Variants in PEAK1 observed in about 807,000 individuals in gnomAD.
The protein encoded by PEAK1 is pseudopodium enriched atypical kinase 1.
PEAK1 carries 54 observed loss-of-function variants against 124.7 expected under a neutral mutation model. The ratio of observed to expected loss-of-function variants is 0.43; its 90% CI spans 0.35 to 0.54. The LOEUF is 0.54. Among genes scored for constraint, PEAK1 ranks in the 20% least tolerant of loss-of-function variants. PEAK1 has a pLI of 0.01. For missense variants in PEAK1, 2,046 were observed against 2,134.5 expected (o/e 0.96, Z 0.82); for synonymous variants, 719 against 760.0 (o/e 0.95, Z 0.89).
chr15:77,411,960 T>A (rs922539476), intron 1 of PEAK1, among the ~76,000 whole-genome samples: 8 of 152,194 alleles, frequency 5.3e-5, no homozygotes, highest in Non-Finnish European at 1.0e-4. Flanking sequence ...ACTGCTATTC[T>A]CTTTTTAAGT....
chr15:77,369,671 A>G (rs934588019), intron 1 of PEAK1, among the ~76,000 whole-genome samples: 1 of 149,608 alleles, frequency 6.7e-6, no homozygotes, highest in Admixed American at 6.6e-5. Flanking sequence ...CTGACTTCTG[A>G]ACTAAATAAT....
At chr15:77,155,727 G>T (rs930416629) in intron 8 of PEAK1, 4 of 152,424 alleles carry the variant, frequency 2.6e-5, no homozygotes, top group Non-Finnish European at 5.9e-5. Context: ...CTGCAGGTCT[G>T]TTGGAGTTTG....
At chr15:77,140,926 C>T (rs989041231) in intron 8 of PEAK1, among the ~76,000 whole-genome samples, 2 of 152,072 alleles carry the variant, frequency 1.3e-5, no homozygotes, top group African/African-American at 4.8e-5. Flanking sequence ...TGGTCTCAAA[C>T]TCCTGAGCTC....
At chr15:77,344,861 G>A (rs1008621213) in intron 2 of PEAK1, among the ~76,000 whole-genome samples, 39 of 152,190 alleles carry the variant, frequency 2.6e-4, no homozygotes, top group Admixed American at 2.5e-3. Context: ...CATTGTTAAT[G>A]ATTAGAAATA....
intron 9 of PEAK1, among the ~76,000 whole-genome samples, chr15:77,124,980 A>G (rs778199405): frequency 1.3e-5 from 2 of 152,214 alleles, no homozygotes; most frequent in African/African-American, 4.8e-5. Flanking sequence ...CTGAACTTTC[A>G]TTATAATCTG....
chr15:77,355,734 G>A (rs970907848), intron 2 of PEAK1: 2 of 982,778 alleles, frequency 2.0e-6, no homozygotes, highest in African/African-American at 3.5e-5. Flanking sequence ...CCAGATTAAA[G>A]TTGCCTGTAA....
chr15:77,141,159 A>G (rs923690515), intron 8 of PEAK1, among the ~76,000 whole-genome samples: 10 of 152,214 alleles, frequency 6.6e-5, no homozygotes, highest in African/African-American at 2.4e-4. Context: ...ATCCACACAC[A>G]AAAAAACTAT....
chr15:77,227,349 G>C (rs1180889690), intron 6 of PEAK1, among the ~76,000 whole-genome samples: 4 of 152,048 alleles, frequency 2.6e-5, no homozygotes, highest in African/African-American at 9.7e-5. Flanking sequence ...GTAACACAGA[G>C]GCACATTGAC....
rs144246758 is a variant in PEAK1, at chr15:77,240,692, G to A, written c.-115+11675C>T. Reference sequence around the variant, plus strand: ...AACTTTATTGTAAAAGTAAATCTACGGGTGTAATCATAGTAAAACTGACAA... The same window carrying A: ...AACTTTATTGTAAAAGTAAATCTACAGGTGTAATCATAGTAAAACTGACAA... On this transcript the variant is annotated intron_variant, in intron 6 of 9. Coordinates refer to ENST00000682557, the MANE Select transcript of PEAK1 (RefSeq NM_001385026.1). Among the ~76,000 whole-genome samples, 190 of 151,976 alleles carry A rather than the reference G, an allele frequency of 1.3e-3. 3 individuals are homozygous for A. The highest frequency in any genetic ancestry group is 5.1e-4 in the Non-Finnish European group (35 of 67,970).
chr15:77,347,782 G>C (rs2066955912), intron 2 of PEAK1: 2 of 983,922 alleles, frequency 2.0e-6, no homozygotes, highest in Admixed American at 6.2e-5. Context: ...AATTTAGTGA[G>C]TGTATAGATC....
intron 6 of PEAK1, among the ~76,000 whole-genome samples, chr15:77,213,967 T>C (rs573995556): frequency 6.4e-4 from 97 of 152,324 alleles, no homozygotes; most frequent in Non-Finnish European, 1.2e-3. Flanking sequence ...ATAACCACTT[T>C]AATCTGCTGT....
At chr15:77,102,157 T>C (rs932005961) in exon 7 of PEAK1, 3 of 151,758 alleles carry the variant, frequency 2.0e-5, no homozygotes, top group Non-Finnish European at 4.4e-5. Flanking sequence ...GCTGTTAAAA[T>C]TTTTTTTTAG....
intron 1 of PEAK1, chr15:77,402,588 A>G (rs963132954): frequency 7.1e-6 from 7 of 980,912 alleles, no homozygotes; most frequent in African/African-American, 5.3e-5. Context: ...AATGAAAGAT[A>G]TGCTCCAGTT....
chr15:77,361,178 C>CA (rs892850428), intron 2 of PEAK1, among the ~76,000 whole-genome samples: 4 of 151,692 alleles, frequency 2.6e-5, no homozygotes, highest in South Asian at 2.1e-4. Flanking sequence ...AGCAAACAAA[C>CA]AAAAAAAATC....
intron 1 of PEAK1, chr15:77,419,683 G>A (rs2073209386): frequency 1.0e-6 from 1 of 984,818 alleles, no homozygotes; most frequent in African/African-American, 1.8e-5. Context: ...CGTCCCTCGC[G>A]GCAGGTCCCA....
chr15:77,220,855 ATTAC>A (rs2059357968), intron 6 of PEAK1, among the ~76,000 whole-genome samples: 1 of 152,080 alleles, frequency 6.6e-6, no homozygotes, highest in Non-Finnish European at 1.5e-5. Context: ...AATGGAGATG[ATTAC>A]TTAGTTGAAA....
chr15:77,119,568 G>GTCTC (rs936526537), intron 9 of PEAK1, among the ~76,000 whole-genome samples: 11 of 152,138 alleles, frequency 7.2e-5, no homozygotes, highest in Non-Finnish European at 1.2e-4. Context: ...GGAAAACTGG[G>GTCTC]GGAGAGGGGA....
intron 6 of PEAK1, among the ~76,000 whole-genome samples, chr15:77,189,823 G>A (rs1192466922): frequency 6.6e-6 from 1 of 152,202 alleles, no homozygotes; most frequent in Non-Finnish European, 1.5e-5. Flanking sequence ...CTCAACCTCA[G>A]AGCCAACTGC....
At chr15:77,176,801 C>T (rs928406584) in intron 7 of PEAK1, among the ~76,000 whole-genome samples, 1 of 152,170 alleles carries the variant, frequency 6.6e-6, no homozygotes, top group African/African-American at 2.4e-5. Flanking sequence ...AGAAGCCGAA[C>T]ATTTCTTGAC....
Sources: allele counts gnomAD v4.1 joint callset (sites outside exome capture counted in the v4.1 genomes callset), GRCh38; gene constraint gnomAD v4.1.1; transcripts MANE v1.5; gene names NCBI Gene and HGNC (gene_info 2026-07-23, HGNC 2026-07-21).